The following COL4A2 variants were observed in gnomAD, a reference collection of about 807,000 sequenced individuals.
The protein encoded by COL4A2 is collagen alpha-2(IV) chain.
In COL4A2, 99 loss-of-function variants were observed where a neutral mutation model predicts 200.2. The ratio of observed to expected loss-of-function variants is 0.49; its 90% CI spans 0.42 to 0.58. COL4A2 has a LOEUF of 0.58. Among genes scored for constraint, COL4A2 ranks in the 20% least tolerant of loss-of-function variants. COL4A2 has a pLI of 0.00. For missense variants in COL4A2, 1,950 were observed against 2,314.1 expected, an observed-to-expected ratio of 0.84 and a Z score of 3.23; for synonymous variants, 897 against 900.6, an observed-to-expected ratio of 1.00 and a Z score of 0.07.
chr13:110,382,223 C>T (rs186698515), intron 4 of COL4A2, among the ~76,000 whole-genome samples: 7 of 152,292 alleles, frequency 4.6e-5, no homozygotes, highest in Non-Finnish European at 7.4e-5. Context: ...TTATGGTGGA[C>T]AAGTATTTGA....
intron 3 of COL4A2, among the ~76,000 whole-genome samples, chr13:110,322,559 C>T (rs981704962): frequency 3.3e-5 from 5 of 152,162 alleles, no homozygotes; most frequent in African/African-American, 1.2e-4. Flanking sequence ...TGGGGAACCC[C>T]GGGAGGGGCT....
At chr13:110,477,283 C>T (rs933127975) in intron 29 of COL4A2, among the ~76,000 whole-genome samples, 8 of 152,198 alleles carry the variant, frequency 5.3e-5, no homozygotes, top group African/African-American at 1.7e-4. Flanking sequence ...TAATGAAGAA[C>T]AAGCAAGCGG....
rs527534433 is a variant in COL4A2 at position 110,455,315 on chromosome 13, G to T, written c.1340-2028G>T. Among the ~76,000 whole-genome samples the T allele has an allele frequency of 2.6e-5, 4 of 152,116 alleles. No homozygotes were observed. The South Asian group carries it at 8.3e-4, about 32-fold the overall frequency. The stretch of plus-strand genomic sequence containing the variant: ...GGCGCTGGCCTTCTGCCTATTTCAG[G>T]GCCTTTTAGAAACCCTGTCCTCACT... On this transcript the variant is annotated intron_variant, in intron 20 of 47. Transcript: ENST00000360467.
chr13:110,340,116 C>T (rs917483741), intron 3 of COL4A2, among the ~76,000 whole-genome samples: 1 of 152,194 alleles, frequency 6.6e-6, no homozygotes, highest in Non-Finnish European at 1.5e-5. Flanking sequence ...CTGCAGAGTC[C>T]AGTCTAAGAG....
At chr13:110,355,949 T>C (rs1366116837) in intron 3 of COL4A2, among the ~76,000 whole-genome samples, 2 of 152,034 alleles carry the variant, frequency 1.3e-5, no homozygotes, top group Non-Finnish European at 2.9e-5. Context: ...AAGGTTGTAC[T>C]AGCTTACCTG....
intron 20 of COL4A2, among the ~76,000 whole-genome samples, chr13:110,456,155 G>T (rs148951155): frequency 1.3e-5 from 2 of 152,362 alleles, no homozygotes; most frequent in East Asian, 3.9e-4. Context: ...GGATGCCCCC[G>T]CCGGGATCAT....
intron 4 of COL4A2, among the ~76,000 whole-genome samples, chr13:110,403,183 T>C (rs1169281293): frequency 2.6e-5 from 4 of 152,242 alleles, no homozygotes; most frequent in Non-Finnish European, 4.4e-5. Context: ...ACAATCTCGA[T>C]GTTCTCTGCT....
intron 16 of COL4A2, among the ~76,000 whole-genome samples, chr13:110,442,115 A>AG (rs1881151645): frequency 6.8e-6 from 1 of 145,992 alleles, no homozygotes; most frequent in Non-Finnish European, 1.5e-5. Flanking sequence ...AAAAAAAAAA[A>AG]GGGCAGTTCC....
intron 39 of COL4A2, among the ~76,000 whole-genome samples, chr13:110,493,820 G>GC (rs915838609): frequency 3.2e-5 from 1 of 30,906 alleles, no homozygotes; most frequent in African/African-American, 6.5e-5. Context: ...GTCGGGTTCT[G>GC]GGGGGGGCCG....
At chr13:110,460,840 TGATC>T (rs1301172922) in intron 22 of COL4A2, among the ~76,000 whole-genome samples, 1 of 152,166 alleles carries the variant, frequency 6.6e-6, no homozygotes, top group Non-Finnish European at 1.5e-5. Flanking sequence ...CAACGTGTAT[TGATC>T]GATTGGGTCT....
At chr13:110,503,703 G>C in intron 43 of COL4A2, 144 bp from the exon 44 acceptor site, 1 of 1,002,612 alleles carries the variant, frequency 1.0e-6, no homozygotes, top group Middle Eastern at 2.3e-4. Flanking sequence ...GCTCAGGCCC[G>C]TTAGTGTCTG....
chr13:110,414,300 T>A (rs187350763), intron 4 of COL4A2, among the ~76,000 whole-genome samples: 1 of 152,264 alleles, frequency 6.6e-6, no homozygotes, highest in Non-Finnish European at 1.5e-5. Flanking sequence ...ACATGACCCA[T>A]CTCACATGAA....
chr13:110,500,922 AT>A (rs1883615854), intron 40 of COL4A2, among the ~76,000 whole-genome samples: 1 of 152,198 alleles, frequency 6.6e-6, no homozygotes, highest in African/African-American at 2.4e-5. Flanking sequence ...CATGGGGGGC[AT>A]TTGAAACAGC....
At chr13:110,488,886 A>T (rs184066571) in intron 34 of COL4A2, among the ~76,000 whole-genome samples, 19 of 152,286 alleles carry the variant, frequency 1.2e-4, no homozygotes, top group Admixed American at 1.2e-3. Context: ...GATGCTCTTC[A>T]TTATGATGCA....
At chr13:110,462,486 A>C in intron 24 of COL4A2, 102 bp downstream of exon 24, 1 of 1,080,484 alleles carries the variant, frequency 9.3e-7, no homozygotes, top group Non-Finnish European at 1.4e-6. Flanking sequence ...CACTAAACCA[A>C]CCTGTGCATA....
chr13:110,503,582 G>T, intron 43 of COL4A2, 101 bp downstream of exon 43: 1 of 764,692 alleles, frequency 1.3e-6, no homozygotes, highest in Non-Finnish European at 2.1e-6. Flanking sequence ...TCTCTGGCAT[G>T]GGTCACATGT....
intron 4 of COL4A2, among the ~76,000 whole-genome samples, chr13:110,400,669 T>G (rs1032942793): frequency 1.3e-5 from 2 of 152,238 alleles, no homozygotes; most frequent in Admixed American, 1.3e-4. Context: ...AATATACTTT[T>G]ATAATTGATA....
At position 110,506,399 on chromosome 13, in the gene COL4A2, CTT is replaced by C. The variant is rs1308111882; in HGVS notation, c.4403-14_4403-13del. On this transcript the variant is annotated splice_polypyrimidine_tract_variant and intron_variant, in intron 45 of 47. Coordinates refer to ENST00000360467, the MANE Select transcript of COL4A2 (RefSeq NM_001846.4). ...GTGCACCAGGCCGTCCACTCTCTCT[CTT>C]TCTCGGGCTGCAGGTGCACCAGGCC... is the stretch of plus-strand genomic sequence containing the variant. 4 of 1,601,282 alleles carry C rather than the reference CTT, an allele frequency of 2.5e-6. No individual in the cohort carries two copies. Among genetic ancestry groups the C allele is most frequent in the East Asian group, 4.5e-5 (2 of 44,544 alleles).
At chr13:110,311,771 G>T (rs1440770157) in intron 3 of COL4A2, among the ~76,000 whole-genome samples, 1 of 152,208 alleles carries the variant, frequency 6.6e-6, no homozygotes, top group African/African-American at 2.4e-5. Context: ...TATGCAGCCG[G>T]CTGGGTGGTC....
Sources: gnomAD v4.1 joint callset for allele counts (sites outside exome capture counted in the v4.1 genomes callset) on GRCh38, gnomAD v4.1.1 for gene constraint, MANE v1.5 for transcripts, NCBI Gene and HGNC (gene_info 2026-07-23, HGNC 2026-07-21) for gene names.